SPINT2: variants seen among roughly 807,000 people sequenced by gnomAD.
SPINT2 encodes serine peptidase inhibitor, Kunitz type 2, also known as kunitz-type protease inhibitor 2.
A neutral mutation model predicts 30.1 loss-of-function variants in SPINT2; 18 were observed. The observed-to-expected ratio is 0.60, with a 90% CI of 0.41 to 0.89. The LOEUF (loss-of-function observed/expected upper bound fraction) is 0.89, where lower values mean the gene tolerates loss of function less well. Ranked by LOEUF, SPINT2 falls within the 40% of genes least tolerant of loss-of-function variation. The probability of loss-of-function intolerance (pLI) is 0.00; values close to 1 mark genes in which losing one functional copy is unlikely to be tolerated. For synonymous variants in SPINT2, 139 were observed against 137.9 expected (o/e 1.01, Z -0.05); for missense variants, 276 against 334.3 (o/e 0.83, Z 1.36).
chr19:38,283,951 C>T (rs1029705109), intron 2 of SPINT2, among the ~76,000 whole-genome samples, 154 bp downstream of exon 2: 8 of 148,744 alleles, frequency 5.4e-5, no homozygotes, highest in African/African-American at 2.0e-4. Context: ...ACGCCATTCT[C>T]CTGCTTCAGC....
chr19:38,292,008 C>G lies in SPINT2; in HGVS notation c.*2C>G. The G allele has an allele frequency of 6.2e-7, 1 of 1,613,880 alleles. No homozygotes were observed. The highest frequency in any genetic ancestry group is 8.5e-7 in the Non-Finnish European group (1 of 1,179,976). On this transcript the variant is annotated 3_prime_UTR_variant, in exon 7 of 7. Coordinates refer to ENST00000301244, the MANE Select transcript of SPINT2 (RefSeq NM_021102.4). ...GTGAAGAACACATATGTCCTGTGAC[C>G]GCCCTGTCGCCAAGAGGACTGGGGA...
chr19:38,289,969 C>A, intron 4 of SPINT2, 150 bp from the exon 5 acceptor site: 1 of 855,920 alleles, frequency 1.2e-6, no homozygotes, highest in Non-Finnish European at 1.9e-6. Flanking sequence ...AGAGCCGCTG[C>A]ACTGGTCTTG....
chr19:38,292,002 T>G lies in SPINT2; in HGVS notation c.755T>G (p.Leu252Arg). The change falls in exon 7 of 7, where the codon CTG becomes CGG. Residue 252 changes from leucine (L) to arginine (R), a missense_variant. Transcript: ENST00000301244. ...KEQLVKNTYVL is the reference protein window; with the variant it reads ...KEQLVKNTYVR ...CAGCTGGTGAAGAACACATATGTCC[T>G]GTGACCGCCCTGTCGCCAAGAGGAC... 6.2e-7 allele frequency: 1 copy of G among 1,613,996 alleles called. No individual in the cohort carries two copies. Among genetic ancestry groups the G allele is most frequent in the Non-Finnish European group, 8.5e-7 (1 of 1,179,976 alleles).
intron 1 of SPINT2, among the ~76,000 whole-genome samples, chr19:38,267,667 A>C (rs1968396543): frequency 6.6e-6 from 1 of 150,794 alleles, no homozygotes. Context: ...CGAGGGTGGG[A>C]GGAGATCAGG....
intron 1 of SPINT2, among the ~76,000 whole-genome samples, chr19:38,276,718 A>G (rs1271639254): frequency 1.3e-5 from 2 of 152,162 alleles, no homozygotes; most frequent in Non-Finnish European, 2.9e-5. Flanking sequence ...TCAAGGTGGT[A>G]GGGGGTTAAT....
At chr19:38,278,887 C>T (rs192089400) in intron 1 of SPINT2, among the ~76,000 whole-genome samples, 1 of 152,206 alleles carries the variant, frequency 6.6e-6, no homozygotes, top group Admixed American at 6.5e-5. Context: ...TACTATATGG[C>T]CTGTGTTTCC....
chr19:38,266,650 T>G (rs1376376973), intron 1 of SPINT2, among the ~76,000 whole-genome samples: 1 of 149,262 alleles, frequency 6.7e-6, no homozygotes, highest in Non-Finnish European at 1.5e-5. Flanking sequence ...CACAGCAGCC[T>G]GGGCGACACA....
intron 1 of SPINT2, among the ~76,000 whole-genome samples, chr19:38,267,441 G>A (rs891589501): frequency 6.6e-6 from 1 of 152,138 alleles, no homozygotes; most frequent in South Asian, 2.1e-4. Flanking sequence ...GAGGATGGGG[G>A]TTGGTCAAGG....
intron 1 of SPINT2, among the ~76,000 whole-genome samples, chr19:38,269,585 T>A (rs1968423918): frequency 6.6e-6 from 1 of 150,414 alleles, no homozygotes. Flanking sequence ...TTTGTATTTT[T>A]AGTTGAGATG....
intron 1 of SPINT2, among the ~76,000 whole-genome samples, chr19:38,279,465 C>G (rs966649088): frequency 6.6e-6 from 1 of 151,800 alleles, no homozygotes; most frequent in African/African-American, 2.4e-5. Flanking sequence ...CCATTGCATT[C>G]CAGCCTGGGC....
chr19:38,287,751 A>G, intron 2 of SPINT2, 125 bp from the exon 3 acceptor site: 3 of 1,033,152 alleles, frequency 2.9e-6, no homozygotes, highest in Non-Finnish European at 4.6e-6. Context: ...TGGCATGCAC[A>G]TTGAAGGTCC....
chr19:38,285,082 C>G (rs1266810777), intron 2 of SPINT2, among the ~76,000 whole-genome samples: 1 of 152,158 alleles, frequency 6.6e-6, no homozygotes, highest in African/African-American at 2.4e-5. Flanking sequence ...AGTTACCGAT[C>G]AAGTTAAAAC....
At chr19:38,267,980 T>G (rs1439181962) in intron 1 of SPINT2, among the ~76,000 whole-genome samples, 1 of 151,812 alleles carries the variant, frequency 6.6e-6, no homozygotes, top group Non-Finnish European at 1.5e-5. Flanking sequence ...CAGGGGAGAT[T>G]CCAATTAGGT....
intron 2 of SPINT2, among the ~76,000 whole-genome samples, chr19:38,286,994 C>G (rs1048375939): frequency 1.1e-4 from 17 of 152,064 alleles, no homozygotes; most frequent in Admixed American, 8.5e-4. Context: ...ATTATTTGGC[C>G]CTGGAAGTCA....
chr19:38,265,036 G>C, intron 1 of SPINT2, 38 bp downstream of exon 1: 1 of 1,506,262 alleles, frequency 6.6e-7, no homozygotes, highest in Admixed American at 2.0e-5. Flanking sequence ...CGGGGCGCAG[G>C]GGGCAGAGGC....
intron 1 of SPINT2, among the ~76,000 whole-genome samples, chr19:38,272,114 T>C (rs976882385): frequency 1.1e-4 from 16 of 151,720 alleles, no homozygotes; most frequent in Admixed American, 1.3e-4. Context: ...GGTGGGAGAA[T>C]TGCTTGAGCC....
chr19:38,292,048 ATGTG>A lies in SPINT2; in HGVS notation c.*45_*48del. ...AGGACTGGGGAAGGGAGGGGAGACT[ATGTG>A]TGAGCTTTTTTTAAATAGAGGGATT... is the stretch of plus-strand genomic sequence containing the variant. On this transcript the variant is annotated 3_prime_UTR_variant, in exon 7 of 7. Coordinates refer to ENST00000301244, the MANE Select transcript of SPINT2 (RefSeq NM_021102.4). The A allele has an allele frequency of 1.2e-6, 2 of 1,609,436 alleles. No homozygotes were observed. Among genetic ancestry groups the A allele is most frequent in the Non-Finnish European group, 1.7e-6 (2 of 1,178,016 alleles).
intron 1 of SPINT2, among the ~76,000 whole-genome samples, chr19:38,273,618 G>A (rs560384513): frequency 2.6e-5 from 4 of 152,292 alleles, no homozygotes; most frequent in Admixed American, 2.6e-4. Flanking sequence ...TTTGGTATTT[G>A]TTTTTTCCAC....
At position 38,290,741 on chromosome 19, in the gene SPINT2, G is replaced by A. The variant is rs765412714; in HGVS notation, c.592+166G>A. On this transcript the variant is annotated intron_variant, in intron 6 of 6. Transcript: ENST00000301244. The surrounding 1 kb of genome is among the most constrained non-coding windows in gnomAD (Gnocchi z 4.3). Reference sequence around the variant, plus strand: ...TGGCGAGGTGGTGGTTTGTCCCACCGTTCAGTGTACACAGTTGGGGCTGGA... The same window carrying A: ...TGGCGAGGTGGTGGTTTGTCCCACCATTCAGTGTACACAGTTGGGGCTGGA... 109 of 990,438 alleles carry A rather than the reference G, an allele frequency of 1.1e-4. No individual in the cohort carries two copies. The highest frequency in any genetic ancestry group is 8.1e-5 in the Non-Finnish European group (53 of 656,374). The allele number at this position is 990,438 out of a possible 1,614,324, so 61.4% of individuals were successfully genotyped here. A position where few individuals can be genotyped will look rare whatever the true frequency, so the allele number is the denominator to read the frequency against.
Sources: allele counts gnomAD v4.1 joint callset (sites outside exome capture counted in the v4.1 genomes callset), GRCh38; gene constraint gnomAD v4.1.1; non-coding constraint Gnocchi (gnomAD v3.1); transcripts MANE v1.5; gene names NCBI Gene and HGNC (gene_info 2026-07-23, HGNC 2026-07-21).